The following EYS variants were observed in gnomAD, a reference collection of about 807,000 sequenced individuals.
The protein encoded by EYS is protein eyes shut homolog.
A neutral mutation model predicts 282.1 loss-of-function variants in EYS; 250 were observed. That is an observed-to-expected ratio of 0.89 (90% CI 0.80 to 0.98). The LOEUF is 0.98. Among genes scored for constraint, EYS ranks in the 50% least tolerant of loss-of-function variants. The probability of loss-of-function intolerance (pLI) is 0.00; values close to 1 mark genes in which losing one functional copy is unlikely to be tolerated. For synonymous variants in EYS, 1,355 were observed against 1,282.9 expected, an observed-to-expected ratio of 1.06 and a Z score of -1.20; for missense variants, 4,016 against 3,709.0, an observed-to-expected ratio of 1.08 and a Z score of -2.15.
chr6:64,232,368 A>G (rs758056949), intron 30 of EYS, among the ~76,000 whole-genome samples: 1 of 151,998 alleles, frequency 6.6e-6, no homozygotes, highest in Non-Finnish European at 1.5e-5. Context: ...TATGCAATGT[A>G]TCACACTACT....
chr6:63,967,172 T>G (rs1766348918), intron 35 of EYS, among the ~76,000 whole-genome samples: 1 of 152,198 alleles, frequency 6.6e-6, no homozygotes, highest in South Asian at 2.1e-4. Context: ...GCGGATGGGT[T>G]GCATATACAG....
At chr6:65,027,530 C>A (rs1252464200) in intron 13 of EYS, among the ~76,000 whole-genome samples, 2 of 152,176 alleles carry the variant, frequency 1.3e-5, no homozygotes, top group South Asian at 2.1e-4. Context: ...TTACAGCATT[C>A]TAAACATTCT....
intron 26 of EYS, among the ~76,000 whole-genome samples, chr6:64,554,256 C>G (rs1240665503): frequency 1.3e-5 from 2 of 151,950 alleles, no homozygotes; most frequent in Non-Finnish European, 2.9e-5. Flanking sequence ...TAATGCCATT[C>G]CATTTTCTGC....
intron 14 of EYS, among the ~76,000 whole-genome samples, chr6:64,970,306 T>C (rs1485396581): frequency 6.6e-6 from 1 of 152,142 alleles, no homozygotes; most frequent in Non-Finnish European, 1.5e-5. Context: ...AGATCATACA[T>C]AGTGCTCATA....
At chr6:64,254,468 T>G (rs572749838) in intron 30 of EYS, among the ~76,000 whole-genome samples, 1 of 152,146 alleles carries the variant, frequency 6.6e-6, no homozygotes, top group East Asian at 1.9e-4. Flanking sequence ...TATTTTAGAC[T>G]ATTTGGCCCA....
intron 37 of EYS, among the ~76,000 whole-genome samples, chr6:63,789,851 C>A (rs917751131): frequency 2.0e-5 from 3 of 152,152 alleles, no homozygotes; most frequent in Non-Finnish European, 4.4e-5. Context: ...TTCTTAAAGA[C>A]CCACGGGACA....
intron 2 of EYS, among the ~76,000 whole-genome samples, chr6:65,615,682 C>A (rs1487754520): frequency 1.3e-5 from 2 of 151,984 alleles, no homozygotes; most frequent in Non-Finnish European, 2.9e-5. Context: ...CGCCTGTAAT[C>A]CCAGCACTTT....
chr6:64,181,384 TATTC>T (rs1764783860), intron 31 of EYS, among the ~76,000 whole-genome samples: 2 of 152,152 alleles, frequency 1.3e-5, no homozygotes, highest in Non-Finnish European at 2.9e-5. Flanking sequence ...CTATAATGAT[TATTC>T]ATTATTAAAA....
intron 18 of EYS, among the ~76,000 whole-genome samples, chr6:64,894,676 A>C (rs545644721): frequency 1.3e-5 from 2 of 152,192 alleles, no homozygotes; most frequent in South Asian, 2.1e-4. Flanking sequence ...CTTTTTGAAG[A>C]CTTCCTCAGA....
intron 41 of EYS, among the ~76,000 whole-genome samples, chr6:63,738,366 A>G (rs1313019306): frequency 2.0e-5 from 3 of 152,146 alleles, no homozygotes; most frequent in Non-Finnish European, 4.4e-5. Context: ...GACTGGATTA[A>G]GAAAATGTGG....
intron 14 of EYS, among the ~76,000 whole-genome samples, chr6:64,974,451 A>G (rs1770406523): frequency 6.6e-6 from 1 of 151,778 alleles, no homozygotes; most frequent in Non-Finnish European, 1.5e-5. Context: ...GAATCAGACT[A>G]TCTAGTAATG....
At chr6:64,288,302 T>C (rs962263782) in intron 30 of EYS, among the ~76,000 whole-genome samples, 8 of 152,104 alleles carry the variant, frequency 5.3e-5, no homozygotes, top group African/African-American at 1.9e-4. Context: ...TGACAGACTC[T>C]TTAATATAAA....
At chr6:65,351,549 A>T (rs1156882395) in intron 9 of EYS, among the ~76,000 whole-genome samples, 1 of 151,718 alleles carries the variant, frequency 6.6e-6, no homozygotes, top group Non-Finnish European at 1.5e-5. Flanking sequence ...ATTTTCCCTC[A>T]AAAATACTTC....
At chr6:64,617,286 T>G in intron 24 of EYS, 132 bp downstream of exon 24, 1 of 654,488 alleles carries the variant, frequency 1.5e-6, no homozygotes, top group Non-Finnish European at 2.7e-6. Context: ...AAGTGTAGCG[T>G]GCACAGAGAA....
intron 26 of EYS, among the ~76,000 whole-genome samples, chr6:64,529,595 T>TTAAATGA (rs5876904): frequency 0.26 from 39,048 of 151,664 alleles, 5,445 homozygotes; most frequent in East Asian, 0.35. Flanking sequence ...ACTATAAGAA[T>TTAAATGA]TGAATGATGC....
chr6:64,467,016 C>T (rs1775941330), intron 26 of EYS, among the ~76,000 whole-genome samples: 1 of 152,056 alleles, frequency 6.6e-6, no homozygotes, highest in Non-Finnish European at 1.5e-5. Context: ...CCAAAGTTCA[C>T]TACAAACAGA....
At chr6:64,606,520 C>G (rs1402619492) in intron 24 of EYS, among the ~76,000 whole-genome samples, 1 of 152,038 alleles carries the variant, frequency 6.6e-6, no homozygotes, top group Non-Finnish European at 1.5e-5. Context: ...CCACAGTTGT[C>G]ACACACCAAT....
intron 31 of EYS, among the ~76,000 whole-genome samples, chr6:64,185,006 A>G (rs1019528851): frequency 6.6e-6 from 1 of 151,908 alleles, no homozygotes; most frequent in African/African-American, 2.4e-5. Context: ...GTCTTCATGA[A>G]TGAGGTCTGT....
intron 33 of EYS, among the ~76,000 whole-genome samples, chr6:64,033,044 A>G (rs1171993594): frequency 6.6e-6 from 1 of 152,236 alleles, no homozygotes; most frequent in Non-Finnish European, 1.5e-5. Flanking sequence ...ACATTGTAAC[A>G]GAAGATGCTC....
Sources: gnomAD v4.1 joint callset for allele counts (sites outside exome capture counted in the v4.1 genomes callset) on GRCh38, gnomAD v4.1.1 for gene constraint, MANE v1.5 for transcripts, NCBI Gene and HGNC (gene_info 2026-07-23, HGNC 2026-07-21) for gene names.